RGS6: variants seen among roughly 807,000 people sequenced by gnomAD.
RGS6 encodes regulator of G-protein signaling 6.
In RGS6, 30 loss-of-function variants were observed where a neutral mutation model predicts 78.5. That is an observed-to-expected ratio of 0.38 (90% CI 0.29 to 0.52). The LOEUF (loss-of-function observed/expected upper bound fraction) is 0.52. Among genes scored for constraint, RGS6 ranks in the 20% least tolerant of loss-of-function variants. RGS6 has a pLI of 0.85. For missense variants in RGS6, 495 were observed against 609.7 expected (o/e 0.81, Z 1.98); for synonymous variants, 206 against 206.0 (o/e 1.00, Z 0.00).
chr14:72,465,703 T>C lies in RGS6; in HGVS notation c.395-55T>C, dbSNP rs2095891990. On this transcript the variant is annotated intron_variant, in intron 6 of 17. Transcript: ENST00000553525. The stretch of plus-strand genomic sequence containing the variant: ...ATGGACAGATGGATGGATGGGCTTA[T>C]AATTCCATTGTGCTGCTGGTTTTGT... 2.3e-6 allele frequency: 3 copies of C among 1,308,914 alleles called. No individual in the cohort carries two copies. In the Admixed American group the frequency reaches 5.1e-5, roughly 22 times the overall value. The allele number at this position is 1,308,914 out of a possible 1,614,324, so 81.1% of individuals were successfully genotyped here. A position where few individuals can be genotyped will look rare whatever the true frequency, so the allele number is the denominator to read the frequency against.
chr14:72,007,529 T>G (rs2084802603), intron 2 of RGS6, among the ~76,000 whole-genome samples: 1 of 152,282 alleles, frequency 6.6e-6, no homozygotes, highest in East Asian at 1.9e-4. Flanking sequence ...CCAACACAAA[T>G]TTGTAAACTT....
the RGS6 span, among the ~76,000 whole-genome samples, chr14:71,888,440 G>A: frequency 1.3e-5 from 2 of 150,940 alleles, no homozygotes. Context: ...AAAAGAAGAA[G>A]AAGAAGAAAA....
At chr14:71,957,863 T>G (rs1188680304) in intron 1 of RGS6, among the ~76,000 whole-genome samples, 1 of 152,100 alleles carries the variant, frequency 6.6e-6, no homozygotes, top group Non-Finnish European at 1.5e-5. Context: ...ACTCCTGGGC[T>G]CAAGTGATCC....
intron 3 of RGS6, among the ~76,000 whole-genome samples, chr14:72,433,835 G>A (rs1025840097): frequency 1.3e-5 from 2 of 152,172 alleles, no homozygotes; most frequent in Non-Finnish European, 2.9e-5. Flanking sequence ...GAAAAGGGGG[G>A]GATGATGACC....
intron 2 of RGS6, among the ~76,000 whole-genome samples, chr14:72,003,910 C>T (rs2083996238): frequency 6.6e-6 from 1 of 152,148 alleles, no homozygotes; most frequent in Admixed American, 6.6e-5. Context: ...CAAATTCTCT[C>T]CAGCCAAGGG....
intron 2 of RGS6, among the ~76,000 whole-genome samples, chr14:72,131,251 C>A (rs1410530986): frequency 1.3e-5 from 2 of 152,210 alleles, no homozygotes; most frequent in Non-Finnish European, 2.9e-5. Flanking sequence ...GGATTTTTGG[C>A]ATCGTTATCT....
At chr14:72,046,609 C>CTG (rs2092861169) in intron 2 of RGS6, among the ~76,000 whole-genome samples, 1 of 151,782 alleles carries the variant, frequency 6.6e-6, no homozygotes, top group South Asian at 2.1e-4. Context: ...TCTTCCTCCC[C>CTG]CTCCTTTCCT....
chr14:72,261,752 C>T (rs2058205281), intron 2 of RGS6, among the ~76,000 whole-genome samples: 1 of 152,068 alleles, frequency 6.6e-6, no homozygotes, highest in Admixed American at 6.6e-5. Context: ...GGGTTTGGTG[C>T]TTCTTGTTCA....
At chr14:72,449,718 C>T (rs184749114) in intron 3 of RGS6, among the ~76,000 whole-genome samples, 1 of 152,326 alleles carries the variant, frequency 6.6e-6, no homozygotes, top group East Asian at 1.9e-4. Context: ...TCTGGGTGGA[C>T]AGCCCTGTCA....
At chr14:72,185,859 TG>T (rs1204392506) in intron 2 of RGS6, among the ~76,000 whole-genome samples, 1 of 152,246 alleles carries the variant, frequency 6.6e-6, no homozygotes, top group Non-Finnish European at 1.5e-5. Flanking sequence ...ATTGGAGGAT[TG>T]CTTGAGCTTG....
At chr14:71,938,058 C>T (rs755468575) in intron 1 of RGS6, among the ~76,000 whole-genome samples, 5 of 152,164 alleles carry the variant, frequency 3.3e-5, no homozygotes, top group African/African-American at 4.8e-5. Context: ...TGGGTGGTGA[C>T]GGGTGGCTGG....
chr14:72,457,560 G>A (rs1435334719), intron 4 of RGS6, among the ~76,000 whole-genome samples: 2 of 152,128 alleles, frequency 1.3e-5, no homozygotes, highest in African/African-American at 2.4e-5. Context: ...CTGGATTACA[G>A]GCGTGAGCCA....
intron 2 of RGS6, among the ~76,000 whole-genome samples, chr14:72,234,534 A>T (rs1007580925): frequency 6.6e-6 from 1 of 152,190 alleles, no homozygotes; most frequent in Admixed American, 6.5e-5. Flanking sequence ...ATCAGCATGA[A>T]ACAGTGTAGG....
chr14:72,238,427 C>G (rs111406565), intron 2 of RGS6, among the ~76,000 whole-genome samples: 2 of 152,180 alleles, frequency 1.3e-5, no homozygotes, highest in East Asian at 1.9e-4. Flanking sequence ...CTGTCTGTAT[C>G]GCTATGTCAG....
chr14:72,628,663 A>G, the RGS6 span, among the ~76,000 whole-genome samples: 1 of 152,072 alleles, frequency 6.6e-6, no homozygotes, highest in Non-Finnish European at 1.5e-5. Flanking sequence ...AGAGATGGAG[A>G]CAGAGTTGGT....
chr14:71,922,590 TTAAC>T, the RGS6 span, among the ~76,000 whole-genome samples: 1 of 148,166 alleles, frequency 6.7e-6, no homozygotes, highest in African/African-American at 2.4e-5. Context: ...TACAATACAG[TTAAC>T]TAAACTATAG....
chr14:72,235,977 G>T (rs2050904840), intron 2 of RGS6, among the ~76,000 whole-genome samples: 1 of 152,152 alleles, frequency 6.6e-6, no homozygotes, highest in African/African-American at 2.4e-5. Context: ...AAAGACTTTT[G>T]TACTTTCTTC....
At chr14:72,150,826 A>C (rs1045447009) in intron 2 of RGS6, among the ~76,000 whole-genome samples, 1 of 152,068 alleles carries the variant, frequency 6.6e-6, no homozygotes, top group Non-Finnish European at 1.5e-5. Context: ...AACCTTGGGG[A>C]TTACAATTTG....
At chr14:71,876,585 T>C in the RGS6 span, among the ~76,000 whole-genome samples, 2 of 148,740 alleles carry the variant, frequency 1.3e-5, no homozygotes, top group African/African-American at 5.0e-5. Flanking sequence ...ACATGAGATG[T>C]GTCTCCTGAA....
Sources: gnomAD v4.1 joint callset for allele counts (sites outside exome capture counted in the v4.1 genomes callset) on GRCh38, gnomAD v4.1.1 for gene constraint, MANE v1.5 for transcripts, NCBI Gene and HGNC (gene_info 2026-07-23, HGNC 2026-07-21) for gene names.